TAS2R19: variants seen among roughly 807,000 people sequenced by gnomAD.
The protein encoded by TAS2R19 is taste 2 receptor member 19.
For missense variants in TAS2R19, 336 were observed against 342.4 expected, an observed-to-expected ratio of 0.98 and a Z score of 0.15; for synonymous variants, 108 against 123.4, an observed-to-expected ratio of 0.87 and a Z score of 0.83.
rs1217217737 is a variant in TAS2R19 at position 11,022,103 on chromosome 12, C to T, written c.469G>A (p.Glu157Lys). 3.1e-6 allele frequency: 5 copies of T among 1,613,890 alleles called. No homozygotes were observed. In the African/African-American group the frequency reaches 6.7e-5, roughly 22 times the overall value. Reference sequence around the variant, plus strand: ...TTCCAAGTCACATTTCCTTCATATTCTTTTGTCCACACTCTCTCATCCATG... The same window carrying T: ...TTCCAAGTCACATTTCCTTCATATTTTTTTGTCCACACTCTCTCATCCATG... ...ITMDERVWTK[E>K]YEGNVTWKIK... Residue 157 changes from glutamate to lysine, a missense_variant, in exon 1 of 1, where the codon GAA becomes AAA. Glu to Lys is a moderately conservative substitution (Grantham distance 56, BLOSUM62 1). Transcript: ENST00000390673.
Position 11,021,690 on chromosome 12 carries a change from C to A in TAS2R19, c.882G>T (p.Leu294Phe), listed in dbSNP as rs1941638683. ...CTTTCACTCAGCGTGTCATCTGCCA[C>A]AAAACTGAAAGAAAGGTCTGTTTTA... ...RKLKQTFLSVLWQMTR is the reference protein window; with the variant it reads ...RKLKQTFLSVFWQMTR The change falls in exon 1 of 1, where the codon TTG becomes TTT. Residue 294 changes from leucine (L) to phenylalanine (F), a missense_variant. Physicochemically the swap from Leu to Phe is conservative, Grantham distance 22. Transcript: ENST00000390673. 1 of 1,610,742 alleles carries A rather than the reference C, an allele frequency of 6.2e-7. No homozygotes were observed. Among genetic ancestry groups the A allele is most frequent in the Non-Finnish European group, 8.5e-7 (1 of 1,177,132 alleles).
chr12:11,022,405 A>C lies in TAS2R19; in HGVS notation c.167T>G (p.Ile56Ser). 1 of 1,614,146 alleles carries C rather than the reference A, an allele frequency of 6.2e-7. No individual in the cohort carries two copies. Among genetic ancestry groups the C allele is most frequent in the Non-Finnish European group, 8.5e-7 (1 of 1,179,998 alleles). Residue 56 changes from isoleucine to serine, a missense_variant, in exon 1 of 1, where the codon ATT (isoleucine) becomes AGT (serine). Transcript: ENST00000390673. Reference protein sequence around the residue: ...QILTALVVSRIGLLWVMLFLW... With the variant: ...QILTALVVSRSGLLWVMLFLW... ...GAATAACATGACCCAGAGTAAACCA[A>C]TTCTGGAGACCACCAGAGCAGTGAG... is the stretch of plus-strand genomic sequence containing the variant.
chr12:11,022,366 G>C lies in TAS2R19; in HGVS notation c.206C>G (p.Thr69Ser). 1.2e-6 allele frequency: 2 copies of C among 1,614,096 alleles called. No homozygotes were observed. The highest frequency in any genetic ancestry group is 2.2e-5 in the East Asian group (1 of 44,886). Residue 69 changes from threonine to serine, a missense_variant, in exon 1 of 1, where the codon ACT (threonine) becomes AGT (serine). Coordinates refer to ENST00000390673, the MANE Select transcript of TAS2R19 (RefSeq NM_176888.2). ...ACCATATAAAGCAGAATTAAACACA[G>C]TTGCATACCAAAGGAATAACATGAC... is the stretch of plus-strand genomic sequence containing the variant. Reference protein sequence around the residue: ...LWVMLFLWYATVFNSALYGLE... With the variant: ...LWVMLFLWYASVFNSALYGLE...
rs779000863 is a variant in TAS2R19 at position 11,021,628 on chromosome 12, C to T, written c.*44G>A. On this transcript the variant is annotated 3_prime_UTR_variant, in exon 1 of 1. Coordinates refer to ENST00000390673, the MANE Select transcript of TAS2R19 (RefSeq NM_176888.2). ...GTTTTCTGCTAGAAGACCCACGATG[C>T]TCCCCTTGTGAATCTATGGAGTTGA... 2 of 1,524,248 alleles carry T rather than the reference C, an allele frequency of 1.3e-6. No individual in the cohort carries two copies. The highest frequency in any genetic ancestry group is 2.4e-5 in the South Asian group (2 of 82,782). The allele number at this position is 1,524,248 out of a possible 1,614,324, so 94.4% of individuals were successfully genotyped here.
chr12:11,021,638 G>C lies in TAS2R19; in HGVS notation c.*34C>G. 1 of 1,569,862 alleles carries C rather than the reference G, an allele frequency of 6.4e-7. No individual in the cohort carries two copies. Among genetic ancestry groups the C allele is most frequent in the Non-Finnish European group, 8.7e-7 (1 of 1,150,776 alleles). ...AGAAGACCCACGATGCTCCCCTTGT[G>C]AATCTATGGAGTTGAGGGTTTCTCT... On this transcript the variant is annotated 3_prime_UTR_variant, in exon 1 of 1. Coordinates refer to ENST00000390673, the MANE Select transcript of TAS2R19 (RefSeq NM_176888.2).
chr12:11,022,616 A>G lies in TAS2R19; in HGVS notation c.-45T>C. ...TGCAGGCTTAGTAACACTTGTTCTG[A>G]GTCCTTTAACATCCAGATGTTAACT... On this transcript the variant is annotated 5_prime_UTR_variant, in exon 1 of 1. Transcript: ENST00000390673. 7.2e-7 allele frequency: 1 copy of G among 1,390,528 alleles called. No homozygotes were observed. Among genetic ancestry groups the G allele is most frequent in the Non-Finnish European group, 9.8e-7 (1 of 1,016,800 alleles). 86.1% of individuals were successfully genotyped at this position (1,390,528 alleles called of 1,614,324 possible). A position where few individuals can be genotyped will look rare whatever the true frequency, so the allele number is the denominator to read the frequency against.
At position 11,021,624 on chromosome 12, in the gene TAS2R19, G is replaced by A. The variant is rs74363809; in HGVS notation, c.*48C>T. On this transcript the variant is annotated 3_prime_UTR_variant, in exon 1 of 1. Transcript: ENST00000390673. ...GTTTGTTTTCTGCTAGAAGACCCAC[G>A]ATGCTCCCCTTGTGAATCTATGGAG... 8.8e-6 allele frequency: 12 copies of A among 1,364,886 alleles called. No homozygotes were observed. Among genetic ancestry groups the A allele is most frequent in the South Asian group, 3.2e-5 (2 of 62,998 alleles). The allele number at this position is 1,364,886 out of a possible 1,614,324, so 84.5% of individuals were successfully genotyped here.
rs1381068271 is a variant in TAS2R19 at position 11,022,170 on chromosome 12, C to T, written c.402G>A (p.Leu134=). The change falls in exon 1 of 1, where the codon TTG becomes TTA. Residue 134 remains leucine, a synonymous_variant. Transcript: ENST00000390673. ...RIKSVVLVIL[L]GPLVFLICNL... Reference sequence around the variant, plus strand: ...TACAAATCAGAAATACCAAGGGCCCCAACAGTATCACCAGAACAACACTCT... The same window carrying T: ...TACAAATCAGAAATACCAAGGGCCCTAACAGTATCACCAGAACAACACTCT... 6.2e-6 allele frequency: 10 copies of T among 1,613,896 alleles called. No homozygotes were observed. The African/African-American group carries it at 8.0e-5, about 13-fold the overall frequency.
rs772299672 is a variant in TAS2R19, at chr12:11,021,636, G to A, written c.*36C>T. The A allele has an allele frequency of 1.3e-6, 2 of 1,565,754 alleles. No individual in the cohort carries two copies. Among genetic ancestry groups the A allele is most frequent in the Non-Finnish European group, 1.7e-6 (2 of 1,147,602 alleles). On this transcript the variant is annotated 3_prime_UTR_variant, in exon 1 of 1. Coordinates refer to ENST00000390673, the MANE Select transcript of TAS2R19 (RefSeq NM_176888.2). ...CTAGAAGACCCACGATGCTCCCCTT[G>A]TGAATCTATGGAGTTGAGGGTTTCT...
rs776334472 is a variant in TAS2R19 at position 11,022,463 on chromosome 12, T to A, written c.109A>T (p.Asn37Tyr). Reference protein sequence around the residue: ...IALVNVIDWVNTRKISSAEQI... With the variant: ...IALVNVIDWVYTRKISSAEQI... ...TCAGCTGAGGAGATCTTTCGTGTGT[T>A]AACCCAGTCAATGACATTTACTAGG... The change falls in exon 1 of 1, where the codon AAC becomes TAC. Residue 37 changes from asparagine (N) to tyrosine (Y), a missense_variant. Transcript: ENST00000390673. The A allele has an allele frequency of 5.0e-6, 8 of 1,613,848 alleles. No homozygotes were observed. The African/African-American group carries it at 5.3e-5, about 11-fold the overall frequency.
rs747042594 is a variant in TAS2R19, at chr12:11,022,206, C to T, written c.366G>A (p.Lys122=). The T allele has an allele frequency of 1.1e-5, 17 of 1,614,100 alleles. No individual in the cohort carries two copies. In the South Asian group the frequency reaches 1.8e-4, roughly 17 times the overall value. The change falls in exon 1 of 1, where the codon AAG becomes AAA. Residue 122 remains lysine (K), a synonymous_variant. Coordinates refer to ENST00000390673, the MANE Select transcript of TAS2R19 (RefSeq NM_176888.2). ...CCAGAACAACACTCTTAATTCTCTT[C>T]TTTAGGTGGAGAGAAATAAGGTTGG... is the stretch of plus-strand genomic sequence containing the variant. ...NFSNLISLHL[K]KRIKSVVLVI... is the part of the protein sequence containing the mutation.
Position 11,021,919 on chromosome 12 carries a change from T to A in TAS2R19, c.653A>T (p.Asp218Val). The stretch of plus-strand genomic sequence containing the variant: ...TTTTATATGGACCTTGGTGCTGGGA[T>A]CTTGAGATCCTTTGCTATGGAGCCG... Reference protein sequence around the residue: ...KMRLHSKGSQDPSTKVHIKAL... With the variant: ...KMRLHSKGSQVPSTKVHIKAL... The change falls in exon 1 of 1, where the codon GAT becomes GTT. Residue 218 changes from aspartate (D) to valine (V), a missense_variant. By Grantham distance (152) the Asp-to-Val change is radical. Coordinates refer to ENST00000390673, the MANE Select transcript of TAS2R19 (RefSeq NM_176888.2). 6.2e-7 allele frequency: 1 copy of A among 1,614,200 alleles called. No individual in the cohort carries two copies. The highest frequency in any genetic ancestry group is 8.5e-7 in the Non-Finnish European group (1 of 1,180,032).
At position 11,021,763 on chromosome 12, in the gene TAS2R19, A is replaced by G; in HGVS notation, c.809T>C (p.Met270Thr). ...GATGAATGAGTGGAATGAAGGATAC[A>G]TGATTGCAACAGTTTGGCAAAGCAG... The part of the protein sequence containing the change: ...VLLLCQTVAI[M>T]YPSFHSFILI... Residue 270 changes from methionine to threonine, a missense_variant, in exon 1 of 1, where the codon ATG becomes ACG. Met to Thr is a moderately conservative substitution (Grantham distance 81, BLOSUM62 -1). Coordinates refer to ENST00000390673, the MANE Select transcript of TAS2R19 (RefSeq NM_176888.2). The G allele has an allele frequency of 1.9e-6, 3 of 1,614,212 alleles. No homozygotes were observed. The highest frequency in any genetic ancestry group is 2.2e-5 in the South Asian group (2 of 91,086).
Position 11,022,508 on chromosome 12 carries a change from C to T in TAS2R19, c.64G>A (p.Val22Ile), listed in dbSNP as rs748506685. The change falls in exon 1 of 1, where the codon GTT (valine) becomes ATT (isoleucine). Residue 22 changes from valine (V) to isoleucine (I), a missense_variant. Physicochemically the swap from Val to Ile is conservative, Grantham distance 29. Transcript: ENST00000390673. Reference protein sequence around the residue: ...LVVFAFVLGNVANGFIALVNV... With the variant: ...LVVFAFVLGNIANGFIALVNV... ...ACTAGGGCTATGAAGCCATTGGCAA[C>T]ATTTCCAAGAACAAATGCAAACACT... 5 of 1,613,740 alleles carry T rather than the reference C, an allele frequency of 3.1e-6. No individual in the cohort carries two copies. The highest frequency in any genetic ancestry group is 4.2e-6 in the Non-Finnish European group (5 of 1,179,712).
chr12:11,022,419 C>G lies in TAS2R19; in HGVS notation c.153G>C (p.Leu51=). The change falls in exon 1 of 1, where the codon CTG becomes CTC. Residue 51 remains leucine (L), a synonymous_variant. Transcript: ENST00000390673. ...ISSAEQILTA[L]VVSRIGLLWV... Reference sequence around the variant, plus strand: ...AGAGTAAACCAATTCTGGAGACCACCAGAGCAGTGAGAATTTGCTCAGCTG... The same window carrying G: ...AGAGTAAACCAATTCTGGAGACCACGAGAGCAGTGAGAATTTGCTCAGCTG... 6.2e-7 allele frequency: 1 copy of G among 1,614,112 alleles called. No individual in the cohort carries two copies. The highest frequency in any genetic ancestry group is 8.5e-7 in the Non-Finnish European group (1 of 1,179,972).
Position 11,022,533 on chromosome 12 carries a change from T to G in TAS2R19, c.39A>C (p.Val13=), listed in dbSNP as rs775238416. ...CFLLIISSIL[V]VFAFVLGNVA... Reference sequence around the variant, plus strand: ...CATTTCCAAGAACAAATGCAAACACTACCAGAATTGATGAAATGATGAGCA... The same window carrying G: ...CATTTCCAAGAACAAATGCAAACACGACCAGAATTGATGAAATGATGAGCA... The change falls in exon 1 of 1, where the codon GTA becomes GTC. Residue 13 remains valine, a synonymous_variant. Transcript: ENST00000390673. 1.2e-5 allele frequency: 20 copies of G among 1,613,076 alleles called. No homozygotes were observed. Among genetic ancestry groups the G allele is most frequent in the East Asian group, 2.2e-5 (1 of 44,880 alleles).
At position 11,022,481 on chromosome 12, in the gene TAS2R19, T is replaced by C; in HGVS notation, c.91A>G (p.Asn31Asp). The change falls in exon 1 of 1, where the codon AAT (asparagine) becomes GAT (aspartate). Residue 31 changes from asparagine (N) to aspartate (D), a missense_variant. Physicochemically the swap from Asn to Asp is conservative, Grantham distance 23. Coordinates refer to ENST00000390673, the MANE Select transcript of TAS2R19 (RefSeq NM_176888.2). ...CGTGTGTTAACCCAGTCAATGACAT[T>C]TACTAGGGCTATGAAGCCATTGGCA... The part of the protein sequence containing the change: ...NVANGFIALV[N>D]VIDWVNTRKI... 6.2e-7 allele frequency: 1 copy of C among 1,613,742 alleles called. No individual in the cohort carries two copies. The highest frequency in any genetic ancestry group is 8.5e-7 in the Non-Finnish European group (1 of 1,179,610).
Position 11,021,895 on chromosome 12 carries a change from T to C in TAS2R19, c.677A>G (p.Lys226Arg). ...SQDPSTKVHI[K>R]ALQTVTSFLM... is the part of the protein sequence containing the mutation. Reference sequence around the variant, plus strand: ...GAAGGAGGTCACAGTTTGCAAAGCTTTTATATGGACCTTGGTGCTGGGATC... The same window carrying C: ...GAAGGAGGTCACAGTTTGCAAAGCTCTTATATGGACCTTGGTGCTGGGATC... The change falls in exon 1 of 1, where the codon AAA (lysine) becomes AGA (arginine). Residue 226 changes from lysine to arginine, a missense_variant. Coordinates refer to ENST00000390673, the MANE Select transcript of TAS2R19 (RefSeq NM_176888.2). 1 of 1,614,198 alleles carries C rather than the reference T, an allele frequency of 6.2e-7. No homozygotes were observed. The highest frequency in any genetic ancestry group is 2.2e-5 in the East Asian group (1 of 44,890).
Position 11,022,020 on chromosome 12 carries a change from G to C in TAS2R19, c.552C>G (p.Asn184Lys), listed in dbSNP as rs768870640. 2 of 1,613,942 alleles carry C rather than the reference G, an allele frequency of 1.2e-6. No homozygotes were observed. The highest frequency in any genetic ancestry group is 2.2e-5 in the South Asian group (2 of 91,070). Reference protein sequence around the residue: ...LSSLTVTTLANLIPFTLSLIC... With the variant: ...LSSLTVTTLAKLIPFTLSLIC... ...TTAGGCTCAGAGTAAAGGGTATGAG[G>C]TTTGCTAGAGTAGTTACAGTCAAGC... The change falls in exon 1 of 1, where the codon AAC becomes AAG. Residue 184 changes from asparagine to lysine, a missense_variant. Asn to Lys is a moderately conservative substitution (Grantham distance 94, BLOSUM62 0). Coordinates refer to ENST00000390673, the MANE Select transcript of TAS2R19 (RefSeq NM_176888.2).
Sources: allele counts gnomAD v4.1 joint callset, GRCh38; gene constraint gnomAD v4.1.1; transcripts MANE v1.5; gene names NCBI Gene and HGNC (gene_info 2026-07-23, HGNC 2026-07-21).